The following WWOX variants were observed in gnomAD, a reference collection of about 807,000 sequenced individuals.
WWOX encodes WW domain containing oxidoreductase.
Under a neutral mutation model 46.2 loss-of-function variants are expected in WWOX, and 69 were observed. That is an observed-to-expected ratio of 1.49 (90% confidence interval 1.23 to 1.82). WWOX has a LOEUF of 1.82. Ranked by LOEUF, WWOX falls within the 40% of genes most tolerant of loss-of-function variation. WWOX has a pLI of 0.00. For synonymous variants in WWOX, 359 were observed against 202.6 expected (o/e 1.77, Z -6.56); for missense variants, 919 against 542.6 (o/e 1.69, Z -6.89).
chr16:79,200,299 G>T (rs1216476916), intron 8 of WWOX, among the ~76,000 whole-genome samples: 2 of 152,298 alleles, frequency 1.3e-5, no homozygotes, highest in East Asian at 3.9e-4. Flanking sequence ...AAATGGCCCA[G>T]GCAGGAAATA....
At chr16:79,059,525 C>T (rs935232338) in intron 8 of WWOX, among the ~76,000 whole-genome samples, 1 of 152,162 alleles carries the variant, frequency 6.6e-6, no homozygotes, top group Non-Finnish European at 1.5e-5. Flanking sequence ...GAGTCTTGCC[C>T]TGTTGCCCTG....
intron 8 of WWOX, among the ~76,000 whole-genome samples, chr16:78,556,220 A>T (rs1221035797): frequency 6.6e-6 from 1 of 151,944 alleles, no homozygotes; most frequent in East Asian, 1.9e-4. Flanking sequence ...CATCAGATGC[A>T]AGGGAGTTTG....
At chr16:79,015,658 G>A (rs1021113229) in intron 8 of WWOX, among the ~76,000 whole-genome samples, 1 of 152,130 alleles carries the variant, frequency 6.6e-6, no homozygotes, top group African/African-American at 2.4e-5. Flanking sequence ...CATGTCCCTA[G>A]TCCCTGTCTC....
intron 8 of WWOX, among the ~76,000 whole-genome samples, chr16:79,038,094 C>T (rs1029210610): frequency 6.6e-6 from 1 of 152,106 alleles, no homozygotes; most frequent in African/African-American, 2.4e-5. Flanking sequence ...TTCAGATGAG[C>T]AGTTGGGAGA....
In WWOX at chr16:79,187,282, G is replaced by T. The variant is rs74753262; in HGVS notation, c.1057-24326G>T. Among the ~76,000 whole-genome samples, 1,510 of 152,230 alleles carry T rather than the reference G, an allele frequency of 9.9e-3. 29 individuals are homozygous for T. Among genetic ancestry groups the T allele is most frequent in the African/African-American group, 0.034 (1,406 of 41,518 alleles). ...AAGCTAAACGTGCTTATCTATAGTGGTTATTATTACTAGAAAGAATATCGT... is the reference window on the plus strand; with the variant it reads ...AAGCTAAACGTGCTTATCTATAGTGTTTATTATTACTAGAAAGAATATCGT... On this transcript the variant is annotated intron_variant, in intron 8 of 8. Coordinates refer to ENST00000566780, the MANE Select transcript of WWOX (RefSeq NM_016373.4).
At chr16:79,160,929 T>C (rs1345276674) in intron 8 of WWOX, among the ~76,000 whole-genome samples, 2 of 152,222 alleles carry the variant, frequency 1.3e-5, no homozygotes, top group Non-Finnish European at 1.5e-5. Context: ...GATACACATA[T>C]GTACATATAT....
At chr16:78,106,985 A>G (rs1403546089) in intron 1 of WWOX, among the ~76,000 whole-genome samples, 1 of 152,194 alleles carries the variant, frequency 6.6e-6, no homozygotes, top group Admixed American at 6.5e-5. Context: ...AGCTGCCAAG[A>G]CTTTGTCAAA....
At chr16:79,130,079 G>A (rs1019398145) in intron 8 of WWOX, among the ~76,000 whole-genome samples, 21 of 152,278 alleles carry the variant, frequency 1.4e-4, no homozygotes, top group African/African-American at 5.1e-4. Flanking sequence ...ACCGTGTAAG[G>A]TTGCCATTTT....
At chr16:78,860,402 A>T (rs376185944) in intron 8 of WWOX, among the ~76,000 whole-genome samples, 1 of 152,198 alleles carries the variant, frequency 6.6e-6, no homozygotes, top group African/African-American at 2.4e-5. Context: ...GATGCCTCAC[A>T]TAAGACCTAG....
At chr16:78,654,775 G>C (rs2047043997) in intron 8 of WWOX, among the ~76,000 whole-genome samples, 1 of 151,368 alleles carries the variant, frequency 6.6e-6, no homozygotes, top group Non-Finnish European at 1.5e-5. Flanking sequence ...TATTTGATTT[G>C]ACATTGTGAT....
chr16:79,048,042 T>G (rs1464038491), intron 8 of WWOX, among the ~76,000 whole-genome samples: 1 of 152,130 alleles, frequency 6.6e-6, no homozygotes, highest in East Asian at 1.9e-4. Flanking sequence ...ATCCCTCTGC[T>G]CCCTAAGATG....
At chr16:79,202,886 A>C (rs952027282) in intron 8 of WWOX, 5 of 152,370 alleles carry the variant, frequency 3.3e-5, no homozygotes, top group Middle Eastern at 6.8e-3. Context: ...ATGAGTAGTC[A>C]GCACATGCAT....
intron 8 of WWOX, among the ~76,000 whole-genome samples, chr16:78,721,681 C>A (rs1027840522): frequency 1.3e-5 from 2 of 152,208 alleles, no homozygotes; most frequent in Admixed American, 6.5e-5. Flanking sequence ...AATTGACCTG[C>A]CTGAGCCTCT....
intron 8 of WWOX, among the ~76,000 whole-genome samples, chr16:78,932,460 C>G (rs112802148): frequency 6.6e-6 from 1 of 152,202 alleles, no homozygotes; most frequent in South Asian, 2.1e-4. Flanking sequence ...TCAAAATGTG[C>G]ACACCGACAG....
intron 8 of WWOX, among the ~76,000 whole-genome samples, chr16:78,879,410 C>T (rs772025431): frequency 4.6e-5 from 7 of 152,128 alleles, no homozygotes; most frequent in East Asian, 1.9e-4. Flanking sequence ...TTTCTTCATG[C>T]CATAAGGGCA....
chr16:78,971,407 G>C (rs553397368), intron 8 of WWOX, among the ~76,000 whole-genome samples: 382 of 141,712 alleles, frequency 2.7e-3, no homozygotes, highest in Non-Finnish European at 4.2e-3. Flanking sequence ...GTGAGCCAAG[G>C]TCACGCCACT....
intron 4 of WWOX, among the ~76,000 whole-genome samples, chr16:78,133,996 T>G (rs1017678191): frequency 2.0e-5 from 3 of 152,214 alleles, no homozygotes; most frequent in Non-Finnish European, 4.4e-5. Context: ...ATCCCTAAGA[T>G]GTGTTTTCTT....
chr16:78,468,020 T>C (rs1025832574), intron 8 of WWOX, among the ~76,000 whole-genome samples: 1 of 152,186 alleles, frequency 6.6e-6, no homozygotes, highest in Non-Finnish European at 1.5e-5. Flanking sequence ...TTTTCTTTAC[T>C]GTTTAAGAAA....
chr16:78,830,211 G>C lies in WWOX; in HGVS notation c.1057-381397G>C, dbSNP rs533032507. On this transcript the variant is annotated intron_variant, in intron 8 of 8. Transcript: ENST00000566780. ...AGGAGGGAGAGGATGAAGGAAAGAA[G>C]CAGTGTTAACATTCTAGTAATATTT... Among the ~76,000 whole-genome samples, 72 of 152,276 alleles carry C rather than the reference G, an allele frequency of 4.7e-4. 1 individual carries two copies. The South Asian group carries it at 0.015, about 31-fold the overall frequency.
Sources: allele counts gnomAD v4.1 joint callset (sites outside exome capture counted in the v4.1 genomes callset), GRCh38; gene constraint gnomAD v4.1.1; transcripts MANE v1.5; gene names NCBI Gene and HGNC (gene_info 2026-07-23, HGNC 2026-07-21).